Variants in EMC10 observed in about 807,000 individuals in gnomAD.
EMC10 encodes the protein UPF0510 protein INM02.
In EMC10, 40 loss-of-function variants were observed where a neutral mutation model predicts 32.2. That is an observed-to-expected ratio of 1.24 (90% confidence interval 0.96 to 1.61). EMC10 has a LOEUF of 1.61. Ranked by LOEUF, EMC10 falls within the 40% of genes most tolerant of loss-of-function variation. The pLI is 0.00. For synonymous variants in EMC10, 178 were observed against 158.4 expected (o/e 1.12, Z -0.93); for missense variants, 402 against 357.7 (o/e 1.12, Z -1.00).
Position 50,482,389 on chromosome 19 carries a change from C to T in EMC10, c.*130C>T. On this transcript the variant is annotated 3_prime_UTR_variant, in exon 7 of 7. Transcript: ENST00000334976. ...CTTTCCCCCCGTCCCACGAGGCCAC[C>T]TGGGCCAGCCCCTTGTCCTCTGCCT... The T allele has an allele frequency of 1.6e-6, 1 of 609,552 alleles. No individual in the cohort carries two copies. Among genetic ancestry groups the T allele is most frequent in the Non-Finnish European group, 2.9e-6 (1 of 341,354 alleles). The allele number at this position is 609,552 out of a possible 1,614,324, so 37.8% of individuals were successfully genotyped here. A position where few individuals can be genotyped will look rare whatever the true frequency, so the allele number is the denominator to read the frequency against.
intron 1 of EMC10, 42 bp from the exon 2 acceptor site, chr19:50,477,887 G>A: frequency 6.5e-7 from 1 of 1,549,200 alleles, no homozygotes; most frequent in Non-Finnish European, 8.8e-7. Flanking sequence ...TATGCTGAGG[G>A]CTTGGGTGGT....
chr19:50,479,764 A>G (rs1237829413), intron 3 of EMC10, among the ~76,000 whole-genome samples: 1 of 152,206 alleles, frequency 6.6e-6, no homozygotes, highest in South Asian at 2.1e-4. Flanking sequence ...AGAATTTATT[A>G]TGCATGTAAC....
chr19:50,482,264 C>T lies in EMC10; in HGVS notation c.*5C>T. 1 of 1,146,518 alleles carries T rather than the reference C, an allele frequency of 8.7e-7. No individual in the cohort carries two copies. The highest frequency in any genetic ancestry group is 1.4e-5 in the South Asian group (1 of 69,908). The allele number at this position is 1,146,518 out of a possible 1,614,324, so 71.0% of individuals were successfully genotyped here. A position where few individuals can be genotyped will look rare whatever the true frequency, so the allele number is the denominator to read the frequency against. On this transcript the variant is annotated 3_prime_UTR_variant, in exon 7 of 7. Transcript: ENST00000334976. ...GGTGGGGGTAGTGGCCGGTGAGGGCCCAGGCTGGTCAGCGTCCCGTCTTGC... is the reference window on the plus strand; with the variant it reads ...GGTGGGGGTAGTGGCCGGTGAGGGCTCAGGCTGGTCAGCGTCCCGTCTTGC...
At position 50,482,372 on chromosome 19, in the gene EMC10, C is replaced by G. The variant is rs932642108; in HGVS notation, c.*113C>G. 1 of 619,156 alleles carries G rather than the reference C, an allele frequency of 1.6e-6. No homozygotes were observed. Among genetic ancestry groups the G allele is most frequent in the Non-Finnish European group, 2.9e-6 (1 of 347,934 alleles). The allele number at this position is 619,156 out of a possible 1,614,324, so 38.4% of individuals were successfully genotyped here. ...GGGTTTGCTGGTCCCTCCTTTCCCC[C>G]CGTCCCACGAGGCCACCTGGGCCAG... On this transcript the variant is annotated 3_prime_UTR_variant, in exon 7 of 7. Coordinates refer to ENST00000334976, the MANE Select transcript of EMC10 (RefSeq NM_206538.4).
At chr19:50,478,022 TC>T (rs757715832) in intron 2 of EMC10, 21 bp downstream of exon 2, 1 of 1,584,462 alleles carries the variant, frequency 6.3e-7, no homozygotes, top group Non-Finnish European at 8.6e-7. Flanking sequence ...CAACGTCCTC[TC>T]CTAGACACTT....
chr19:50,482,195 C>A lies in EMC10; in HGVS notation c.725C>A (p.Ala242Glu). 6.3e-7 allele frequency: 1 copy of A among 1,576,556 alleles called. No individual in the cohort carries two copies. The highest frequency in any genetic ancestry group is 8.7e-7 in the Non-Finnish European group (1 of 1,149,718). The change falls in exon 7 of 7, where the codon GCG (alanine) becomes GAG (glutamate). Residue 242 changes from alanine (A) to glutamate (E), a missense_variant. Physicochemically the swap from Ala to Glu is moderately radical, Grantham distance 107. Coordinates refer to ENST00000334976, the MANE Select transcript of EMC10 (RefSeq NM_206538.4). ...GTCCTGTTCCTCATGATGTCAGGAG[C>A]GCCAGACACCGGGGGCCAGGGTGGG... The part of the protein sequence containing the change: ...PVVLFLMMSG[A>E]PDTGGQGGGG...
rs1222423842 is a variant in EMC10 at position 50,490,576 on chromosome 19, G to A, written c.*8317G>A. On this transcript the variant is annotated 3_prime_UTR_variant, in exon 7 of 7. Coordinates refer to ENST00000334976, the MANE Select transcript of EMC10 (RefSeq NM_206538.4). ...TCATGTGGACAGCCTGAGTGACAGGGGGACCCAGGGGCCTCACCTGGGCTA... is the reference window on the plus strand; with the variant it reads ...TCATGTGGACAGCCTGAGTGACAGGAGGACCCAGGGGCCTCACCTGGGCTA... 1 of 152,194 alleles carries A rather than the reference G, an allele frequency of 6.6e-6. No homozygotes were observed. Among genetic ancestry groups the A allele is most frequent in the Non-Finnish European group, 1.5e-5 (1 of 68,044 alleles). 9.4% of individuals were successfully genotyped at this position (152,194 alleles called of 1,614,324 possible).
Position 50,482,962 on chromosome 19 carries a change from A to G in EMC10, c.*703A>G. 1.7e-6 allele frequency: 1 copy of G among 578,276 alleles called. No homozygotes were observed. The allele number at this position is 578,276 out of a possible 1,614,324, so 35.8% of individuals were successfully genotyped here. A position where few individuals can be genotyped will look rare whatever the true frequency, so the allele number is the denominator to read the frequency against. On this transcript the variant is annotated 3_prime_UTR_variant, in exon 7 of 7. Transcript: ENST00000334976. ...TTGAAGGAAAAGGTTTAAGAAAGAA[A>G]ACAAAACCAACAGTTAGTGGAGTCA...
intron 2 of EMC10, 89 bp downstream of exon 2, chr19:50,478,090 C>G (rs1358337882): frequency 9.5e-7 from 1 of 1,057,942 alleles, no homozygotes; most frequent in Non-Finnish European, 1.4e-6. Context: ...CGTCGTATGA[C>G]ATTTACTAAC....
chr19:50,483,365 A>G lies in EMC10; in HGVS notation c.*1106A>G, dbSNP rs550448568. On this transcript the variant is annotated 3_prime_UTR_variant, in exon 7 of 7. Coordinates refer to ENST00000334976, the MANE Select transcript of EMC10 (RefSeq NM_206538.4). Reference sequence around the variant, plus strand: ...GATCGACACGCAGCTAGCCTCCTGCATTGTATGGTTATAAATAGCACCCTA... The same window carrying G: ...GATCGACACGCAGCTAGCCTCCTGCGTTGTATGGTTATAAATAGCACCCTA... 1.1e-4 allele frequency: 35 copies of G among 319,598 alleles called. No individual in the cohort carries two copies. Among genetic ancestry groups the G allele is most frequent in the South Asian group, 8.5e-4 (33 of 38,938 alleles). The allele number at this position is 319,598 out of a possible 1,614,324, so 19.8% of individuals were successfully genotyped here.
rs371146608 is a variant in EMC10 at position 50,489,205 on chromosome 19, T to G, written c.*6946T>G. On this transcript the variant is annotated 3_prime_UTR_variant, in exon 7 of 7. Transcript: ENST00000334976. ...CAGAGAGAAAAGAACAGGCCGGGCA[T>G]GGTGCCTCGCACCTGTGGTCCCAGC... The G allele has an allele frequency of 6.6e-6, 1 of 152,364 alleles. No homozygotes were observed. The highest frequency in any genetic ancestry group is 1.5e-5 in the Non-Finnish European group (1 of 68,256). The allele number at this position is 152,364 out of a possible 1,614,324, so 9.4% of individuals were successfully genotyped here.
intron 3 of EMC10, 144 bp from the exon 4 acceptor site, chr19:50,479,967 C>T (rs1315226766): frequency 1.8e-5 from 12 of 654,222 alleles, no homozygotes; most frequent in African/African-American, 1.6e-4. Flanking sequence ...AGTCCTGGGT[C>T]GACTCAGGTT....
rs1461398924 is a variant in EMC10, at chr19:50,480,348, C to T, written c.402+133C>T. ...CTGGGAGACTCAGACCTGGCCTTGC[C>T]TTCCGAGGCCTCCTGGTCTGGAGGG... On this transcript the variant is annotated intron_variant, in intron 4 of 6. Transcript: ENST00000334976. The surrounding 1 kb of genome is among the most constrained non-coding windows in gnomAD (Gnocchi z 4.4). 5 of 1,026,998 alleles carry T rather than the reference C, an allele frequency of 4.9e-6. No individual in the cohort carries two copies. Among genetic ancestry groups the T allele is most frequent in the African/African-American group, 1.6e-5 (1 of 62,028 alleles). The allele number at this position is 1,026,998 out of a possible 1,614,324, so 63.6% of individuals were successfully genotyped here.
rs781467797 is a variant in EMC10 at position 50,480,203 on chromosome 19, C to T, written c.390C>T (p.Ser130=). Residue 130 remains serine, a synonymous_variant, in exon 4 of 7, where the codon TCC becomes TCT. Coordinates refer to ENST00000334976, the MANE Select transcript of EMC10 (RefSeq NM_206538.4). The surrounding 1 kb of genome is among the most constrained non-coding windows in gnomAD (Gnocchi z 4.4). ...TGGAAGCTGGTGGCTATGTCTCCTC[C>T]TTTGTCCCTGCGGTGAGTTGGTGTC... ...DGLEAGGYVS[S]FVPACSLVES... 66 of 1,613,624 alleles carry T rather than the reference C, an allele frequency of 4.1e-5. No individual in the cohort carries two copies. Among genetic ancestry groups the T allele is most frequent in the Non-Finnish European group, 3.3e-5 (39 of 1,179,870 alleles).
chr19:50,483,108 A>G lies in EMC10; in HGVS notation c.*849A>G, dbSNP rs1487943298. ...TGTGTGCCACCCTCCCTGTAAGTCT[A>G]TTTAAAAACATCGACGATACATTGA... On this transcript the variant is annotated 3_prime_UTR_variant, in exon 7 of 7. Coordinates refer to ENST00000334976, the MANE Select transcript of EMC10 (RefSeq NM_206538.4). 4 of 483,628 alleles carry G rather than the reference A, an allele frequency of 8.3e-6. No individual in the cohort carries two copies. Among genetic ancestry groups the G allele is most frequent in the East Asian group, 6.2e-5 (1 of 16,030 alleles). The allele number at this position is 483,628 out of a possible 1,614,324, so 30.0% of individuals were successfully genotyped here.
intron 6 of EMC10, chr19:50,481,599 G>A: frequency 5.8e-6 from 3 of 517,738 alleles, no homozygotes; most frequent in South Asian, 5.4e-5. Context: ...CCAGCGAAGA[G>A]GTCTGTGTGG....
Position 50,482,703 on chromosome 19 carries a change from C to G in EMC10, c.*444C>G, listed in dbSNP as rs1160811775. ...TGGTCCTGTCCAGGCTCCTGCAGCG[C>G]CCCCCTCACTTTGACACTGGACTAG... On this transcript the variant is annotated 3_prime_UTR_variant, in exon 7 of 7. Transcript: ENST00000334976. The G allele has an allele frequency of 2.1e-6, 1 of 477,338 alleles. No homozygotes were observed. The highest frequency in any genetic ancestry group is 3.3e-5 in the East Asian group (1 of 30,314). 29.6% of individuals were successfully genotyped at this position (477,338 alleles called of 1,614,324 possible). A position where few individuals can be genotyped will look rare whatever the true frequency, so the allele number is the denominator to read the frequency against.
rs1478334614 is a variant in EMC10 at position 50,487,805 on chromosome 19, G to A, written c.*5546G>A. The A allele has an allele frequency of 6.6e-6, 1 of 152,618 alleles. No individual in the cohort carries two copies. The highest frequency in any genetic ancestry group is 1.5e-5 in the Non-Finnish European group (1 of 68,348). 9.5% of individuals were successfully genotyped at this position (152,618 alleles called of 1,614,324 possible). A position where few individuals can be genotyped will look rare whatever the true frequency, so the allele number is the denominator to read the frequency against. On this transcript the variant is annotated 3_prime_UTR_variant, in exon 7 of 7. Coordinates refer to ENST00000334976, the MANE Select transcript of EMC10 (RefSeq NM_206538.4). ...AGAGGAGACAGGTCCAGAGAGGAGG[G>A]AAAGGAAAGGACAGGGCAGAGACAG...
intron 3 of EMC10, 60 bp downstream of exon 3, chr19:50,479,126 T>C: frequency 7.4e-7 from 1 of 1,354,460 alleles, no homozygotes; most frequent in Non-Finnish European, 1.0e-6. Context: ...AGCTGTCTCT[T>C]CAGCCACCCC....
Sources: allele counts gnomAD v4.1 joint callset (sites outside exome capture counted in the v4.1 genomes callset), GRCh38; gene constraint gnomAD v4.1.1; non-coding constraint Gnocchi (gnomAD v3.1); transcripts MANE v1.5; gene names NCBI Gene and HGNC (gene_info 2026-07-23, HGNC 2026-07-21).